The following KIAA1549L variants were observed in gnomAD, a reference collection of about 807,000 sequenced individuals.
KIAA1549L encodes KIAA1549 like.
A neutral mutation model predicts 160.7 loss-of-function variants in KIAA1549L; 88 were observed. That is an observed-to-expected ratio of 0.55 (90% confidence interval 0.46 to 0.65). The LOEUF (loss-of-function observed/expected upper bound fraction) is 0.65. Among genes scored for constraint, KIAA1549L ranks in the 30% least tolerant of loss-of-function variants. The probability of loss-of-function intolerance (pLI) is 0.00; values close to 1 mark genes in which losing one functional copy is unlikely to be tolerated. For synonymous variants in KIAA1549L, 950 were observed against 976.7 expected (o/e 0.97, Z 0.51); for missense variants, 2,258 against 2,437.5 (o/e 0.93, Z 1.55).
Position 33,674,085 on chromosome 11 carries a change from G to A in KIAA1549L, c.*5931G>A, listed in dbSNP as rs942796331. The A allele has an allele frequency of 2.0e-5, 3 of 152,152 alleles. No individual in the cohort carries two copies. Among genetic ancestry groups the A allele is most frequent in the African/African-American group, 7.2e-5 (3 of 41,436 alleles). 9.4% of individuals were successfully genotyped at this position (152,152 alleles called of 1,614,324 possible). ...TTTTATTGTAAAATAAAATGACAAA[G>A]GCTTTCATACCCCAAAACCTGCCTG... is the stretch of plus-strand genomic sequence containing the variant. On this transcript the variant is annotated 3_prime_UTR_variant, in exon 21 of 21. Transcript: ENST00000658780.
At chr11:33,438,437 G>A (rs1214781041) in intron 1 of KIAA1549L, among the ~76,000 whole-genome samples, 1 of 152,194 alleles carries the variant, frequency 6.6e-6, no homozygotes, top group East Asian at 1.9e-4. Context: ...GAAAGAATCT[G>A]GCAGCTTTGG....
At chr11:33,573,290 T>C (rs1471323284) in intron 9 of KIAA1549L, among the ~76,000 whole-genome samples, 1 of 152,196 alleles carries the variant, frequency 6.6e-6, no homozygotes, top group East Asian at 1.9e-4. Flanking sequence ...TTGTACTCCC[T>C]TCTTCCCTCT....
Position 33,598,945 on chromosome 11 carries a change from A to G in KIAA1549L, c.4877A>G (p.Asn1626Ser). ...ACAAAGGAGGAGGCAAGGAAGAGAA[A>G]TGGTGAGAAGCCTTCCCTCCAAGAA... ...KVTKEEARKR[N>S]VPASDEEEGA... The change falls in exon 13 of 21, where the codon AAT (asparagine) becomes AGT (serine). Residue 1626 changes from asparagine (N) to serine (S), a missense_variant and splice_region_variant. Asn to Ser is a conservative substitution (Grantham distance 46, BLOSUM62 1). Around this residue, in one of 6 missense-constraint regions of KIAA1549L, gnomAD observed 1,359 missense variants for 1,546.6 expected, o/e 0.88. Transcript: ENST00000658780. 1.2e-6 allele frequency: 2 copies of G among 1,613,068 alleles called. No individual in the cohort carries two copies. The highest frequency in any genetic ancestry group is 1.7e-6 in the Non-Finnish European group (2 of 1,179,578).
At chr11:33,539,009 G>GTC in intron 1 of KIAA1549L, among the ~76,000 whole-genome samples, 1 of 152,146 alleles carries the variant, frequency 6.6e-6, no homozygotes. Context: ...CCTAATATAT[G>GTC]TCTTCCTTTA....
chr11:33,659,985 G>A (rs1004330401), intron 19 of KIAA1549L, among the ~76,000 whole-genome samples: 2 of 152,230 alleles, frequency 1.3e-5, no homozygotes, highest in Admixed American at 6.5e-5. Flanking sequence ...GTCCTCCTCT[G>A]CTTCCCTAGA....
At chr11:33,526,312 A>G (rs1853610574) in intron 1 of KIAA1549L, among the ~76,000 whole-genome samples, 1 of 152,216 alleles carries the variant, frequency 6.6e-6, no homozygotes, top group African/African-American at 2.4e-5. Context: ...CTGGGTAACC[A>G]GAAGTCCTGA....
At chr11:33,639,740 A>G (rs1277577163) in intron 16 of KIAA1549L, among the ~76,000 whole-genome samples, 3 of 152,010 alleles carry the variant, frequency 2.0e-5, no homozygotes, top group Admixed American at 1.3e-4. Flanking sequence ...GCATTTCACC[A>G]TGTTGCCCAG....
intron 12 of KIAA1549L, among the ~76,000 whole-genome samples, chr11:33,598,229 T>TGTGTGTGTGTGA (rs138775051): frequency 1.4e-5 from 2 of 147,956 alleles, no homozygotes; most frequent in African/African-American, 5.0e-5. Flanking sequence ...TGTGTGTGTG[T>TGTGTGTGTGTGA]CAGAGTGAAG....
At chr11:33,593,719 A>T (rs1306647034) in intron 12 of KIAA1549L, among the ~76,000 whole-genome samples, 2 of 152,024 alleles carry the variant, frequency 1.3e-5, no homozygotes, top group African/African-American at 2.4e-5. Flanking sequence ...ACTGGAGGAG[A>T]AGTAGTTTGT....
intron 1 of KIAA1549L, among the ~76,000 whole-genome samples, chr11:33,506,750 A>C (rs907955916): frequency 6.6e-6 from 1 of 152,128 alleles, no homozygotes; most frequent in African/African-American, 2.4e-5. Context: ...ACAACAAAAA[A>C]CATTCAGATG....
At chr11:33,550,507 C>T (rs1451064225) in intron 4 of KIAA1549L, among the ~76,000 whole-genome samples, 1 of 152,184 alleles carries the variant, frequency 6.6e-6, no homozygotes, top group African/African-American at 2.4e-5. Context: ...CTGGTGCATC[C>T]TGCCTTGGTC....
At chr11:33,590,422 A>C (rs1026965863) in intron 11 of KIAA1549L, among the ~76,000 whole-genome samples, 4 of 152,186 alleles carry the variant, frequency 2.6e-5, no homozygotes, top group Admixed American at 1.3e-4. Flanking sequence ...AGCAAAATAG[A>C]GACACTTTCA....
chr11:33,420,192 G>A (rs962953517), intron 1 of KIAA1549L, among the ~76,000 whole-genome samples: 9 of 148,304 alleles, frequency 6.1e-5, no homozygotes, highest in Admixed American at 3.4e-4. Flanking sequence ...ACATCGAACT[G>A]AAATGTTAAG....
At chr11:33,579,391 C>T (rs913669431) in intron 10 of KIAA1549L, among the ~76,000 whole-genome samples, 3 of 152,198 alleles carry the variant, frequency 2.0e-5, no homozygotes, top group African/African-American at 7.2e-5. Context: ...CAATAAATTA[C>T]CTTCTGCCTT....
chr11:33,588,526 C>T (rs2133280893), intron 11 of KIAA1549L, among the ~76,000 whole-genome samples: 1 of 152,204 alleles, frequency 6.6e-6, no homozygotes, highest in South Asian at 2.1e-4. Context: ...AGCAACGAGA[C>T]CGAGGCAGGA....
Position 33,597,393 on chromosome 11 carries a change from G to C in KIAA1549L, c.4752-1427G>C, listed in dbSNP as rs192973401. The stretch of plus-strand genomic sequence containing the variant: ...GCAGAGGGGAGAAGGGAGGAGGAGG[G>C]AGAAGGGAGGAGGAGGCAGAGGAGC... On this transcript the variant is annotated intron_variant, in intron 12 of 20. Coordinates refer to ENST00000658780, the MANE Select transcript of KIAA1549L (RefSeq NM_012194.3). Among the ~76,000 whole-genome samples, 64 of 152,264 alleles carry C rather than the reference G, an allele frequency of 4.2e-4. 1 individual carries two copies. The highest frequency in any genetic ancestry group is 1.2e-4 in the Non-Finnish European group (8 of 68,010).
chr11:33,563,032 AG>A (rs966197059), intron 8 of KIAA1549L, among the ~76,000 whole-genome samples: 1 of 151,538 alleles, frequency 6.6e-6, no homozygotes, highest in African/African-American at 2.4e-5. Context: ...TCACGTTCTG[AG>A]GTACTTGGGG....
At chr11:33,639,777 T>C (rs958739772) in intron 16 of KIAA1549L, among the ~76,000 whole-genome samples, 2 of 152,308 alleles carry the variant, frequency 1.3e-5, no homozygotes. Flanking sequence ...TGACCTCAAA[T>C]GATCCGCCCG....
chr11:33,416,095 C>T (rs1324703115), intron 1 of KIAA1549L, among the ~76,000 whole-genome samples: 1 of 152,094 alleles, frequency 6.6e-6, no homozygotes, highest in African/African-American at 2.4e-5. Context: ...GCAGGCAGCC[C>T]CAGACACCAT....
Sources: gnomAD v4.1 joint callset for allele counts (sites outside exome capture counted in the v4.1 genomes callset) on GRCh38, gnomAD v4.1.1 for gene constraint, gnomAD v4.1.1 regional missense constraint, MANE v1.5 for transcripts, NCBI Gene and HGNC (gene_info 2026-07-23, HGNC 2026-07-21) for gene names.